Variants in PRUNE2 observed in about 807,000 individuals in gnomAD.
The protein encoded by PRUNE2 is protein prune homolog 2.
Under a neutral mutation model 252.0 loss-of-function variants are expected in PRUNE2, and 164 were observed. That is an observed-to-expected ratio of 0.65 (90% CI 0.57 to 0.74). The LOEUF (loss-of-function observed/expected upper bound fraction) is 0.74, where lower values mean the gene tolerates loss of function less well. PRUNE2 is among the 30% of genes least tolerant of loss of function. The pLI, the probability that PRUNE2 is intolerant of heterozygous loss-of-function variation, is 0.00. For missense variants in PRUNE2, 3,495 were observed against 3,711.0 expected, an observed-to-expected ratio of 0.94 and a Z score of 1.51; for synonymous variants, 1,292 against 1,350.2, an observed-to-expected ratio of 0.96 and a Z score of 0.94.
chr9:76,825,310 T>C (rs2058282075), intron 5 of PRUNE2, among the ~76,000 whole-genome samples: 1 of 152,196 alleles, frequency 6.6e-6, no homozygotes, highest in African/African-American at 2.4e-5. Flanking sequence ...TTCCTGAACA[T>C]TTAACCATCA....
At chr9:76,788,278 C>T (rs2055208406) in intron 6 of PRUNE2, 1 of 573,462 alleles carries the variant, frequency 1.7e-6, no homozygotes, top group African/African-American at 1.9e-5. Flanking sequence ...ACTCACCAAA[C>T]AGATATATTC....
At chr9:76,702,980 T>C (rs2046013274) in intron 9 of PRUNE2, among the ~76,000 whole-genome samples, 1 of 152,162 alleles carries the variant, frequency 6.6e-6, no homozygotes, top group Middle Eastern at 3.2e-3. Context: ...AATGAGATAA[T>C]GTATGCAAAC....
chr9:76,829,814 G>A (rs1197848598), intron 4 of PRUNE2, among the ~76,000 whole-genome samples: 1 of 151,020 alleles, frequency 6.6e-6, no homozygotes, highest in Admixed American at 6.6e-5. Context: ...AAATCCTCTT[G>A]AGAGCAAAAT....
intron 6 of PRUNE2, chr9:76,758,561 G>A (rs1038541003): frequency 1.3e-5 from 2 of 149,028 alleles, no homozygotes; most frequent in African/African-American, 5.0e-5. Context: ...GTGCAGCACC[G>A]TGATACTAGC....
At position 76,854,121 on chromosome 9, in the gene PRUNE2, C is replaced by A; in HGVS notation, c.124G>T (p.Ala42Ser). 2 of 1,583,076 alleles carry A rather than the reference C, an allele frequency of 1.3e-6. No homozygotes were observed. The highest frequency in any genetic ancestry group is 1.3e-5 in the African/African-American group (1 of 74,492). The change falls in exon 2 of 19, where the codon GCT (alanine) becomes TCT (serine). Residue 42 changes from alanine to serine, a missense_variant. Ala to Ser is a moderately conservative substitution (Grantham distance 99). Transcript: ENST00000376718. Reference sequence around the variant, plus strand: ...TCCCTCACCTTGTCTAGAAAGTAAGCATATGTGAAGGTAGAAATGAGAGAA... The same window carrying A: ...TCCCTCACCTTGTCTAGAAAGTAAGAATATGTGAAGGTAGAAATGAGAGAA... Reference protein sequence around the residue: ...LDSLISTFTYAYFLDKVSPPG... With the variant: ...LDSLISTFTYSYFLDKVSPPG...
chr9:76,838,517 T>C (rs2059193965), intron 4 of PRUNE2, among the ~76,000 whole-genome samples: 1 of 151,610 alleles, frequency 6.6e-6, no homozygotes. Context: ...TGGTGGCAGA[T>C]GCCTGTAATC....
chr9:76,754,532 T>C (rs925007019), intron 6 of PRUNE2, among the ~76,000 whole-genome samples: 4 of 152,210 alleles, frequency 2.6e-5, no homozygotes, highest in African/African-American at 9.7e-5. Flanking sequence ...TTGCTGAGTT[T>C]TACCGGCCAA....
intron 7 of PRUNE2, 128 bp from the exon 8 acceptor site, chr9:76,711,486 G>C (rs1262346042): frequency 3.1e-6 from 2 of 647,184 alleles, no homozygotes; most frequent in Non-Finnish European, 5.2e-6. Flanking sequence ...TGAAAAAGAA[G>C]ATCTCAAACT....
chr9:76,731,557 G>T (rs1027434288), intron 6 of PRUNE2, among the ~76,000 whole-genome samples: 3 of 151,902 alleles, frequency 2.0e-5, no homozygotes, highest in Admixed American at 2.0e-4. Context: ...TGAACTCCTG[G>T]ACTCAAGTGA....
intron 9 of PRUNE2, chr9:76,693,065 A>G (rs989745810): frequency 3.3e-5 from 5 of 151,452 alleles, no homozygotes; most frequent in African/African-American, 1.2e-4. Flanking sequence ...AGTACATGTT[A>G]GCTACTACTA....
In PRUNE2 at chr9:76,707,989, T is replaced by G. The variant is rs777596620; in HGVS notation, c.4285A>C (p.Thr1429Pro). The G allele has an allele frequency of 6.2e-7, 1 of 1,614,002 alleles. No individual in the cohort carries two copies. The highest frequency in any genetic ancestry group is 8.5e-7 in the Non-Finnish European group (1 of 1,179,878). ...MSADNLQPKDTHEKHLMSQRN... is the reference protein window; with the variant it reads ...MSADNLQPKDPHEKHLMSQRN... ...TGACTCATGAGGTGTTTTTCATGGG[T>G]ATCTTTTGGCTGCAGGTTATCTGCG... Residue 1429 changes from threonine to proline, a missense_variant, in exon 8 of 19, where the codon ACC (threonine) becomes CCC (proline). Transcript: ENST00000376718.
At chr9:76,905,428 C>G (rs992605712) in intron 1 of PRUNE2, among the ~76,000 whole-genome samples, 3 of 152,230 alleles carry the variant, frequency 2.0e-5, no homozygotes, top group African/African-American at 7.2e-5. Context: ...CTAACTCCTG[C>G]AGTGGAGCAA....
At chr9:76,849,602 G>T (rs1400205559) in intron 3 of PRUNE2, among the ~76,000 whole-genome samples, 2 of 152,144 alleles carry the variant, frequency 1.3e-5, no homozygotes, top group African/African-American at 4.8e-5. Flanking sequence ...GAGGTGGACG[G>T]ATCACTTGAG....
chr9:76,746,424 G>A (rs375018174), intron 6 of PRUNE2, among the ~76,000 whole-genome samples: 3 of 151,990 alleles, frequency 2.0e-5, no homozygotes, highest in Admixed American at 6.6e-5. Context: ...CCCAAAGAGC[G>A]GCCGGGCGCG....
In PRUNE2 at chr9:76,808,503, A is replaced by G. The variant is rs568593522; in HGVS notation, c.756+15129T>C. 6 of 152,290 alleles carry G rather than the reference A, an allele frequency of 3.9e-5. No individual in the cohort carries two copies. In the East Asian group the frequency reaches 1.2e-3, roughly 29 times the overall value. The allele number at this position is 152,290 out of a possible 1,614,324, so 9.4% of individuals were successfully genotyped here. On this transcript the variant is annotated intron_variant, in intron 6 of 18. Transcript: ENST00000376718. ...AATGGTTCAAGGGATTTTAAACTTG[A>G]TCTACATTTGAAGCTCTCAGCCTAT...
intron 9 of PRUNE2, among the ~76,000 whole-genome samples, chr9:76,695,334 AG>A (rs1271842511): frequency 8.5e-5 from 13 of 152,226 alleles, no homozygotes; most frequent in African/African-American, 3.1e-4. Context: ...CAGCGCGCCC[AG>A]CCAGGAGAAG....
intron 1 of PRUNE2, among the ~76,000 whole-genome samples, chr9:76,899,554 T>C (rs1343408): frequency 0.26 from 39,430 of 151,928 alleles, 8,004 homozygotes; most frequent in African/African-American, 0.57. Flanking sequence ...CTACAAAGTG[T>C]CATGCTTTGT....
chr9:76,622,167 A>T (rs557320700), intron 17 of PRUNE2, among the ~76,000 whole-genome samples: 9 of 152,352 alleles, frequency 5.9e-5, no homozygotes, highest in African/African-American at 1.7e-4. Flanking sequence ...TATGCAGCAT[A>T]AATTTACTGA....
intron 6 of PRUNE2, among the ~76,000 whole-genome samples, chr9:76,770,355 AT>A (rs2052955974): frequency 6.6e-6 from 1 of 152,186 alleles, no homozygotes; most frequent in South Asian, 2.1e-4. Flanking sequence ...GCATTAAAAT[AT>A]CAAGGATTTT....
Sources: gnomAD v4.1 joint callset for allele counts (sites outside exome capture counted in the v4.1 genomes callset) on GRCh38, gnomAD v4.1.1 for gene constraint, MANE v1.5 for transcripts, NCBI Gene and HGNC (gene_info 2026-07-23, HGNC 2026-07-21) for gene names.